Variants in TTC1 observed in about 807,000 individuals in gnomAD.
TTC1 encodes the protein tetratricopeptide repeat protein 1.
A neutral mutation model predicts 37.6 loss-of-function variants in TTC1; 31 were observed. That is an observed-to-expected ratio of 0.82 (90% CI 0.62 to 1.11). The LOEUF is 1.11. Among genes scored for constraint, TTC1 ranks in the 50% most tolerant of loss-of-function variants. The pLI, the probability that TTC1 is intolerant of heterozygous loss-of-function variation, is 0.00. For missense variants in TTC1, 351 were observed against 339.0 expected, an observed-to-expected ratio of 1.04 and a Z score of -0.28; for synonymous variants, 127 against 122.4, an observed-to-expected ratio of 1.04 and a Z score of -0.25.
intron 1 of TTC1, among the ~76,000 whole-genome samples, 172 bp from the exon 2 acceptor site, chr5:160,010,328 G>C (rs1756474129): frequency 6.6e-6 from 1 of 150,726 alleles, no homozygotes; most frequent in Non-Finnish European, 1.5e-5. Flanking sequence ...TTAAAATGAC[G>C]ATTTGACATT....
At chr5:160,033,326 G>A (rs1213770827) in intron 2 of TTC1, among the ~76,000 whole-genome samples, 2 of 151,904 alleles carry the variant, frequency 1.3e-5, no homozygotes, top group African/African-American at 2.4e-5. Flanking sequence ...TGTGTGTCTG[G>A]CACATAGTAT....
intron 5 of TTC1, among the ~76,000 whole-genome samples, chr5:160,048,621 G>A (rs542154581): frequency 6.6e-6 from 1 of 152,312 alleles, no homozygotes; most frequent in South Asian, 2.1e-4. Context: ...TAGTTTGAGG[G>A]TTGAAGGAAC....
Position 160,010,666 on chromosome 5 carries a change from C to G in TTC1, c.138C>G (p.Leu46=), listed in dbSNP as rs532228909. The change falls in exon 2 of 8, where the codon CTC becomes CTG. Residue 46 remains leucine (L), a synonymous_variant. Transcript: ENST00000231238. ...PKNQHSQSKL[L]RDDEAHLQED... is the part of the protein sequence containing the mutation. Reference sequence around the variant, plus strand: ...ATCAGCATTCCCAGAGTAAGCTGCTCAGGGATGATGAGGCCCATCTCCAGG... The same window carrying G: ...ATCAGCATTCCCAGAGTAAGCTGCTGAGGGATGATGAGGCCCATCTCCAGG... 1 of 1,613,750 alleles carries G rather than the reference C, an allele frequency of 6.2e-7. No individual in the cohort carries two copies. The highest frequency in any genetic ancestry group is 1.3e-5 in the African/African-American group (1 of 75,020).
intron 7 of TTC1, among the ~76,000 whole-genome samples, chr5:160,063,305 T>A (rs1318516530): frequency 6.6e-6 from 1 of 152,108 alleles, no homozygotes; most frequent in Non-Finnish European, 1.5e-5. Context: ...AGCCCTGAAC[T>A]CCTTGGGCTC....
intron 6 of TTC1, 36 bp from the exon 7 acceptor site, chr5:160,051,093 T>C: frequency 6.5e-7 from 1 of 1,550,092 alleles, no homozygotes; most frequent in South Asian, 1.2e-5. Flanking sequence ...TTTTTTTTTT[T>C]TTTTTACCAA....
chr5:160,054,474 G>C (rs553653830), intron 7 of TTC1, among the ~76,000 whole-genome samples: 59 of 152,192 alleles, frequency 3.9e-4, no homozygotes, highest in African/African-American at 1.3e-3. Flanking sequence ...AATTAGCCAG[G>C]CGTGGTAGCA....
chr5:160,026,350 T>C (rs1479833911), intron 2 of TTC1, among the ~76,000 whole-genome samples: 2 of 152,234 alleles, frequency 1.3e-5, no homozygotes, highest in Admixed American at 1.3e-4. Context: ...TCTGTATGTT[T>C]TTCCATATGT....
intron 7 of TTC1, among the ~76,000 whole-genome samples, chr5:160,054,381 A>C (rs1228285271): frequency 1.3e-5 from 2 of 152,202 alleles, no homozygotes; most frequent in Non-Finnish European, 2.9e-5. Context: ...TGGGAGGCCA[A>C]GGTGGGAGGA....
Position 160,064,998 on chromosome 5 carries a change from T to A in TTC1, c.812T>A (p.Ile271Asn). ...GGGCTCTCCACGGAAAATTTCCAGA[T>A]CAAACAGGATTCCTCTACCGGCTCG... The part of the protein sequence containing the change: ...PFGLSTENFQ[I>N]KQDSSTGSYS... The change falls in exon 8 of 8, where the codon ATC becomes AAC. Residue 271 changes from isoleucine (I) to asparagine (N), a missense_variant. Transcript: ENST00000231238. 6 of 1,614,072 alleles carry A rather than the reference T, an allele frequency of 3.7e-6. No individual in the cohort carries two copies. Among genetic ancestry groups the A allele is most frequent in the Non-Finnish European group, 5.1e-6 (6 of 1,180,014 alleles).
intron 2 of TTC1, among the ~76,000 whole-genome samples, chr5:160,021,132 C>G (rs1756698085): frequency 6.6e-6 from 1 of 152,026 alleles, no homozygotes; most frequent in Non-Finnish European, 1.5e-5. Flanking sequence ...GTCTAAGCAT[C>G]ACAGGAAATG....
At chr5:160,009,929 C>T (rs1411311960) in intron 1 of TTC1, among the ~76,000 whole-genome samples, 1 of 152,182 alleles carries the variant, frequency 6.6e-6, no homozygotes, top group African/African-American at 2.4e-5. Flanking sequence ...GCTAAAAAGA[C>T]GGACCGTAGT....
chr5:160,051,033 C>A, intron 6 of TTC1, 96 bp from the exon 7 acceptor site: 1 of 931,084 alleles, frequency 1.1e-6, no homozygotes, highest in Non-Finnish European at 1.6e-6. Context: ...CTTATTTCCA[C>A]ATTAGGATTC....
At chr5:160,055,046 C>G (rs552403598) in intron 7 of TTC1, among the ~76,000 whole-genome samples, 3 of 152,206 alleles carry the variant, frequency 2.0e-5, no homozygotes, top group African/African-American at 7.2e-5. Context: ...TGGTTCTTTG[C>G]ACATGAGTCA....
intron 2 of TTC1, among the ~76,000 whole-genome samples, chr5:160,024,425 C>T (rs1756764965): frequency 6.6e-6 from 1 of 152,168 alleles, no homozygotes; most frequent in African/African-American, 2.4e-5. Context: ...ATCACATTTT[C>T]CATGAACATC....
At chr5:160,048,651 A>G (rs1757321647) in intron 5 of TTC1, among the ~76,000 whole-genome samples, 1 of 152,196 alleles carries the variant, frequency 6.6e-6, no homozygotes, top group South Asian at 2.1e-4. Context: ...TTAACTAGAA[A>G]TATAATCTTA....
In TTC1 at chr5:160,035,172, G is replaced by A; in HGVS notation, c.363G>A (p.Glu121=). 1 of 1,606,072 alleles carries A rather than the reference G, an allele frequency of 6.2e-7. No individual in the cohort carries two copies. Among genetic ancestry groups the A allele is most frequent in the Non-Finnish European group, 8.5e-7 (1 of 1,177,090 alleles). ...GAGAAGAGAGCACTAGACTAAAGGA[G>A]GAGGGAAATGAACAGTTTAAGAAAG... ...KRREESTRLK[E]EGNEQFKKGD... is the part of the protein sequence containing the mutation. Residue 121 remains glutamate (E), a synonymous_variant, in exon 3 of 8, where the codon GAG becomes GAA. Coordinates refer to ENST00000231238, the MANE Select transcript of TTC1 (RefSeq NM_003314.3).
At chr5:160,049,698 A>G (rs759182630) in intron 6 of TTC1, 36 bp downstream of exon 6, 8 of 1,471,402 alleles carry the variant, frequency 5.4e-6, no homozygotes, top group Middle Eastern at 2.5e-4. Context: ...TTTTCCTTCT[A>G]TTCTTTGTGT....
intron 2 of TTC1, among the ~76,000 whole-genome samples, chr5:160,025,026 T>G (rs545744997): frequency 1.8e-4 from 28 of 152,168 alleles, no homozygotes; most frequent in African/African-American, 6.3e-4. Flanking sequence ...TATTTTTATT[T>G]TTTTGTTTTG....
At chr5:160,036,825 T>A in intron 4 of TTC1, 22 bp downstream of exon 4, 4 of 1,557,352 alleles carry the variant, frequency 2.6e-6, no homozygotes, top group Non-Finnish European at 3.5e-6. Context: ...TGACCTTTTC[T>A]TTTTAAAAAG....
Sources: gnomAD v4.1 joint callset for allele counts (sites outside exome capture counted in the v4.1 genomes callset) on GRCh38, gnomAD v4.1.1 for gene constraint, MANE v1.5 for transcripts, NCBI Gene and HGNC (gene_info 2026-07-23, HGNC 2026-07-21) for gene names.